PDE1C: variants seen among roughly 807,000 people sequenced by gnomAD.
The protein encoded by PDE1C is dual specificity calcium/calmodulin-dependent 3',5'-cyclic nucleotide phosphodiesterase 1C.
PDE1C carries 62 observed loss-of-function variants against 93.1 expected under a neutral mutation model. The ratio of observed to expected loss-of-function variants is 0.67; its 90% confidence interval spans 0.54 to 0.82. The LOEUF is 0.82. Ranked by LOEUF, PDE1C falls within the 40% of genes least tolerant of loss-of-function variation. PDE1C has a pLI of 0.00. For missense variants in PDE1C, 742 were observed against 884.6 expected, an observed-to-expected ratio of 0.84 and a Z score of 2.04; for synonymous variants, 325 against 310.1, an observed-to-expected ratio of 1.05 and a Z score of -0.50.
chr7:32,006,169 A>G (rs529226721), intron 2 of PDE1C, among the ~76,000 whole-genome samples: 1 of 152,314 alleles, frequency 6.6e-6, no homozygotes, highest in South Asian at 2.1e-4. Context: ...AAAATCACCT[A>G]AAATAAATAC....
intron 3 of PDE1C, among the ~76,000 whole-genome samples, chr7:32,147,508 C>G (rs945304322): frequency 6.6e-6 from 1 of 151,996 alleles, no homozygotes; most frequent in African/African-American, 2.4e-5. Context: ...ATGCCCAGGC[C>G]TTTTTTCTGG....
chr7:32,124,601 G>A (rs565459557), intron 3 of PDE1C, among the ~76,000 whole-genome samples: 1 of 152,278 alleles, frequency 6.6e-6, no homozygotes, highest in East Asian at 1.9e-4. Context: ...AAGCAATGAG[G>A]AAAGGATCTC....
chr7:31,917,615 A>G (rs1013025411), intron 2 of PDE1C, among the ~76,000 whole-genome samples: 2 of 152,166 alleles, frequency 1.3e-5, no homozygotes, highest in African/African-American at 4.8e-5. Context: ...ATGAAAAAAA[A>G]AACTGAACTA....
chr7:32,091,999 T>A (rs577936232), intron 3 of PDE1C, among the ~76,000 whole-genome samples: 237 of 152,248 alleles, frequency 1.6e-3, no homozygotes, highest in Non-Finnish European at 2.2e-3. Context: ...GACTTACAGA[T>A]GACTCCAAGG....
intron 16 of PDE1C, chr7:31,786,984 C>G (rs932907276): frequency 1.3e-5 from 2 of 151,404 alleles, no homozygotes; most frequent in Admixed American, 6.6e-5. Flanking sequence ...ATCTACCTAC[C>G]TACCTATCTA....
At chr7:31,692,951 C>G in the PDE1C span, among the ~76,000 whole-genome samples, 30 of 152,280 alleles carry the variant, frequency 2.0e-4, no homozygotes, top group Non-Finnish European at 3.8e-4. Context: ...TTTAAATAGC[C>G]TTTTTCTGCT....
At chr7:31,776,528 G>A (rs1173987359) in intron 16 of PDE1C, among the ~76,000 whole-genome samples, 1 of 152,000 alleles carries the variant, frequency 6.6e-6, no homozygotes, top group Non-Finnish European at 1.5e-5. Flanking sequence ...CAGAATAAAG[G>A]GACAAAGGGA....
At chr7:32,018,139 A>G (rs189291965) in intron 2 of PDE1C, among the ~76,000 whole-genome samples, 11 of 151,878 alleles carry the variant, frequency 7.2e-5, no homozygotes, top group Non-Finnish European at 2.9e-5. Flanking sequence ...TAGGATGGCA[A>G]TAATCCAAAA....
At chr7:31,899,756 A>T (rs372604556) in intron 2 of PDE1C, among the ~76,000 whole-genome samples, 6 of 152,270 alleles carry the variant, frequency 3.9e-5, no homozygotes, top group African/African-American at 1.4e-4. Context: ...TTAATCTATT[A>T]CCCAGTTCAT....
At chr7:32,180,478 G>A (rs943732653) in intron 2 of PDE1C, among the ~76,000 whole-genome samples, 8 of 152,208 alleles carry the variant, frequency 5.3e-5, no homozygotes, top group Admixed American at 6.5e-5. Flanking sequence ...AGGGATTCAC[G>A]GAAGGACTCT....
At chr7:32,292,786 A>C (rs866440579) in intron 1 of PDE1C, among the ~76,000 whole-genome samples, 19 of 152,260 alleles carry the variant, frequency 1.2e-4, no homozygotes, top group Admixed American at 3.9e-4. Context: ...CAGGACCGTC[A>C]TTCCTTCATT....
chr7:32,023,456 T>C (rs13239020), intron 2 of PDE1C, among the ~76,000 whole-genome samples: 2,756 of 152,208 alleles, frequency 0.018, 40 homozygotes, highest in Middle Eastern at 0.041. Context: ...CTTAATCTCT[T>C]TTTAACACAG....
chr7:32,258,573 T>C (rs1562626412), intron 1 of PDE1C, among the ~76,000 whole-genome samples: 1 of 152,094 alleles, frequency 6.6e-6, no homozygotes, highest in Non-Finnish European at 1.5e-5. Context: ...CCCAGCACAA[T>C]CTGTACCAGC....
At chr7:31,837,725 T>C (rs1465849712) in intron 10 of PDE1C, 145 bp downstream of exon 10, 2 of 590,530 alleles carry the variant, frequency 3.4e-6, no homozygotes, top group African/African-American at 1.8e-5. Flanking sequence ...ACAACTTTTA[T>C]GCTTTCTCCT....
At chr7:32,420,749 T>G (rs1396257100) in intron 1 of PDE1C, among the ~76,000 whole-genome samples, 1 of 152,034 alleles carries the variant, frequency 6.6e-6, no homozygotes, top group Non-Finnish European at 1.5e-5. Context: ...TTTACTCAGG[T>G]TCAAGGAGTT....
rs1431809745 is a variant in PDE1C at position 31,753,083 on chromosome 7, T to C, written c.*301A>G. Reference sequence around the variant, plus strand: ...AGAGGAATTTTATTTTTTTTTAAGTTTGTGTCATTTTAATTTTGGTCCAAT... The same window carrying C: ...AGAGGAATTTTATTTTTTTTTAAGTCTGTGTCATTTTAATTTTGGTCCAAT... On this transcript the variant is annotated 3_prime_UTR_variant, in exon 18 of 18. Coordinates refer to ENST00000396191, the MANE Select transcript of PDE1C (RefSeq NM_001191057.4). 1.0e-5 allele frequency: 2 copies of C among 195,274 alleles called. No individual in the cohort carries two copies. Among genetic ancestry groups the C allele is most frequent in the East Asian group, 2.4e-4 (2 of 8,442 alleles). 12.1% of individuals were successfully genotyped at this position (195,274 alleles called of 1,614,324 possible).
At chr7:31,990,237 T>G (rs190993622) in intron 2 of PDE1C, among the ~76,000 whole-genome samples, 1 of 152,208 alleles carries the variant, frequency 6.6e-6, no homozygotes, top group African/African-American at 2.4e-5. Flanking sequence ...AATTGAATCA[T>G]GGGGACGGGT....
At chr7:31,919,135 C>T (rs952881232) in intron 2 of PDE1C, among the ~76,000 whole-genome samples, 22 of 152,270 alleles carry the variant, frequency 1.4e-4, no homozygotes, top group African/African-American at 5.3e-4. Flanking sequence ...AGAAAACTAA[C>T]ACTCAAGACA....
At chr7:31,984,731 T>A (rs1783141295) in intron 2 of PDE1C, among the ~76,000 whole-genome samples, 1 of 152,214 alleles carries the variant, frequency 6.6e-6, no homozygotes, top group South Asian at 2.1e-4. Context: ...GATGGAGTAA[T>A]CTTTTAAAAA....
Sources: gnomAD v4.1 joint callset for allele counts (sites outside exome capture counted in the v4.1 genomes callset) on GRCh38, gnomAD v4.1.1 for gene constraint, MANE v1.5 for transcripts, NCBI Gene and HGNC (gene_info 2026-07-23, HGNC 2026-07-21) for gene names.